The following ERC1 variants were observed in gnomAD, a reference collection of about 807,000 sequenced individuals.
The protein encoded by ERC1 is ELKS/RAB6-interacting/CAST family member 1.
In ERC1, 56 loss-of-function variants were observed where a neutral mutation model predicts 132.0. That is an observed-to-expected ratio of 0.42 (90% CI 0.34 to 0.53). The LOEUF (loss-of-function observed/expected upper bound fraction) is 0.53, where lower values mean the gene tolerates loss of function less well. ERC1 is among the 20% of genes least tolerant of loss of function. ERC1 has a pLI of 0.03. For missense variants in ERC1, 1,202 were observed against 1,349.9 expected (o/e 0.89, Z 1.72); for synonymous variants, 478 against 476.1 (o/e 1.00, Z -0.05).
intron 2 of ERC1, among the ~76,000 whole-genome samples, chr12:1,040,541 C>T (rs927358342): frequency 3.9e-5 from 6 of 152,048 alleles, no homozygotes; most frequent in South Asian, 2.1e-4. Flanking sequence ...CTCCTGACCT[C>T]GTGATCCGCC....
intron 17 of ERC1, among the ~76,000 whole-genome samples, chr12:1,440,768 C>T (rs999709138): frequency 2.6e-5 from 4 of 151,328 alleles, no homozygotes; most frequent in Non-Finnish European, 5.9e-5. Context: ...AATGCCTCAG[C>T]CTACTGAGTA....
chr12:1,105,211 A>G (rs1945114278), intron 4 of ERC1, among the ~76,000 whole-genome samples: 1 of 152,212 alleles, frequency 6.6e-6, no homozygotes, highest in Non-Finnish European at 1.5e-5. Context: ...TTCCGTGAAG[A>G]AAATACTGAA....
At chr12:1,210,537 T>C (rs938473403) in intron 12 of ERC1, among the ~76,000 whole-genome samples, 1 of 152,196 alleles carries the variant, frequency 6.6e-6, no homozygotes, top group Non-Finnish European at 1.5e-5. Context: ...CTTTAAGGTG[T>C]AGTGTAATGG....
At chr12:1,113,311 C>T (rs947886810) in intron 6 of ERC1, among the ~76,000 whole-genome samples, 3 of 152,110 alleles carry the variant, frequency 2.0e-5, no homozygotes, top group Admixed American at 1.3e-4. Flanking sequence ...CATTTTATAA[C>T]GTGCTGAGTT....
Position 1,122,625 on chromosome 12 carries a change from G to GTCTCTA in ERC1, c.1569+6628_1569+6633dup, listed in dbSNP as rs771646801. Among the ~76,000 whole-genome samples, 43 of 6,042 alleles carry GTCTCTA rather than the reference G, an allele frequency of 7.1e-3. 8 individuals carry two copies. Among genetic ancestry groups the GTCTCTA allele is most frequent in the African/African-American group, 0.014 (40 of 2,932 alleles). 4.0% of individuals were successfully genotyped at this position (6,042 alleles called of 152,430 possible). On this transcript the variant is annotated intron_variant, in intron 7 of 18. Transcript: ENST00000360905. ...TGTCTCTATCTCTATCTCTATCTGT[G>GTCTCTA]TCTCTATCTCTATCTCTATCTCTAT...
intron 8 of ERC1, among the ~76,000 whole-genome samples, chr12:1,156,707 C>T (rs1951436195): frequency 6.6e-6 from 1 of 152,064 alleles, no homozygotes; most frequent in South Asian, 2.1e-4. Context: ...TGTTATCAAA[C>T]CTTTTTAAAT....
At chr12:1,035,935 T>A (rs1565830626) in intron 2 of ERC1, among the ~76,000 whole-genome samples, 1 of 148,784 alleles carries the variant, frequency 6.7e-6, no homozygotes, top group African/African-American at 2.5e-5. Context: ...AAAAAAAAAA[T>A]ACTTTGGATG....
intron 15 of ERC1, among the ~76,000 whole-genome samples, chr12:1,363,802 C>T (rs1462667050): frequency 5.3e-5 from 8 of 152,108 alleles, no homozygotes; most frequent in Non-Finnish European, 1.0e-4. Context: ...GTGATCCACC[C>T]GCCTCAGCCT....
rs1308349987 is a variant in ERC1, at chr12:1,290,006, A to G, written c.2774A>G (p.Glu925Gly). Residue 925 changes from glutamate to glycine, a missense_variant, in exon 15 of 19, where the codon GAG becomes GGG. By Grantham distance (98) the Glu-to-Gly change is moderately conservative. Coordinates refer to ENST00000360905, the MANE Select transcript of ERC1 (RefSeq NM_178040.4). The part of the protein sequence containing the change: ...ERRKHLEEVL[E>G]MKQEALLAAI... ...AGGAAACACTTAGAGGAAGTTCTGG[A>G]GATGAAGTAAGTGTTTGTAGTCTTA... 6.2e-7 allele frequency: 1 copy of G among 1,613,650 alleles called. No individual in the cohort carries two copies. Among genetic ancestry groups the G allele is most frequent in the South Asian group, 1.1e-5 (1 of 91,036 alleles).
intron 16 of ERC1, 99 bp downstream of exon 16, chr12:1,372,076 T>TGAAAC: frequency 3.7e-6 from 5 of 1,352,376 alleles, no homozygotes; most frequent in Non-Finnish European, 5.0e-6. Flanking sequence ...TCATGTTTCA[T>TGAAAC]ATTAGACATC....
intron 18 of ERC1, chr12:1,445,152 G>T (rs1467398531): frequency 6.3e-6 from 1 of 159,960 alleles, no homozygotes; most frequent in Admixed American, 6.0e-5. Context: ...TGTGTGTGTG[G>T]TGAAAACACT....
chr12:1,237,899 T>C (rs1367171116), intron 13 of ERC1, among the ~76,000 whole-genome samples: 4 of 152,198 alleles, frequency 2.6e-5, no homozygotes, highest in African/African-American at 9.6e-5. Context: ...ATTACAATCT[T>C]TACTGGAGAG....
At chr12:1,154,270 C>T (rs1470399451) in intron 8 of ERC1, among the ~76,000 whole-genome samples, 290 of 114,790 alleles carry the variant, frequency 2.5e-3, no homozygotes, top group South Asian at 6.9e-3. Context: ...TGTATATATA[C>T]ACATATACAT....
chr12:1,440,506 T>G (rs796611445), intron 17 of ERC1, among the ~76,000 whole-genome samples: 3,290 of 124,644 alleles, frequency 0.026, 171 homozygotes, highest in African/African-American at 0.12. Context: ...GCGCCCGGCC[T>G]TTTTTTTTTT....
chr12:1,074,000 G>T (rs923439261), intron 2 of ERC1, among the ~76,000 whole-genome samples: 1 of 151,258 alleles, frequency 6.6e-6, no homozygotes, highest in African/African-American at 2.4e-5. Flanking sequence ...GAGTAGCTGG[G>T]ATTACAGGCA....
chr12:1,375,378 ACCTCCCACCAGGCC>A (rs2087762100), intron 16 of ERC1, among the ~76,000 whole-genome samples: 1 of 151,720 alleles, frequency 6.6e-6, no homozygotes, highest in South Asian at 2.1e-4. Context: ...TGATCCAATC[ACCTCCCACCAGGCC>A]CCTCCCCTGA....
intron 17 of ERC1, among the ~76,000 whole-genome samples, chr12:1,426,338 C>T (rs1040575942): frequency 6.6e-6 from 1 of 152,100 alleles, no homozygotes; most frequent in Non-Finnish European, 1.5e-5. Context: ...CTCCTGACCT[C>T]AGGTGATCCA....
At chr12:1,296,138 G>C (rs1407566464) in intron 15 of ERC1, among the ~76,000 whole-genome samples, 1 of 151,756 alleles carries the variant, frequency 6.6e-6, no homozygotes, top group Non-Finnish European at 1.5e-5. Flanking sequence ...ATGGAAATTT[G>C]ACATAGTGAG....
chr12:1,475,681 A>G (rs1488105709), intron 18 of ERC1, among the ~76,000 whole-genome samples: 2 of 152,208 alleles, frequency 1.3e-5, no homozygotes, highest in African/African-American at 2.4e-5. Context: ...ATTTTGTAGG[A>G]AGGAAATCAT....
Sources: gnomAD v4.1 joint callset for allele counts (sites outside exome capture counted in the v4.1 genomes callset) on GRCh38, gnomAD v4.1.1 for gene constraint, MANE v1.5 for transcripts, NCBI Gene and HGNC (gene_info 2026-07-23, HGNC 2026-07-21) for gene names.